Variants in BCAR3 observed in about 807,000 individuals in gnomAD.
The protein encoded by BCAR3 is breast cancer anti-estrogen resistance protein 3.
Under a neutral mutation model 80.1 loss-of-function variants are expected in BCAR3, and 37 were observed. That is an observed-to-expected ratio of 0.46 (90% CI 0.36 to 0.61). The LOEUF is 0.61. BCAR3 is among the 20% of genes least tolerant of loss of function. BCAR3 has a pLI of 0.00. For missense variants in BCAR3, 978 were observed against 1,068.2 expected (o/e 0.92, Z 1.18); for synonymous variants, 389 against 418.9 (o/e 0.93, Z 0.87).
chr1:93,728,976 C>T (rs1228606048), intron 2 of BCAR3, among the ~76,000 whole-genome samples: 2 of 152,192 alleles, frequency 1.3e-5, no homozygotes, highest in Admixed American at 6.5e-5. Context: ...CTACCCAGCA[C>T]TTCCCTTCCC....
intron 9 of BCAR3, among the ~76,000 whole-genome samples, chr1:93,570,643 G>A (rs1673174734): frequency 6.6e-6 from 1 of 152,214 alleles, no homozygotes; most frequent in South Asian, 2.1e-4. Flanking sequence ...TTTTTAATAG[G>A]ACAGTCTGTT....
At chr1:93,840,965 C>T (rs975006349) in intron 2 of BCAR3, among the ~76,000 whole-genome samples, 2 of 152,108 alleles carry the variant, frequency 1.3e-5, no homozygotes, top group African/African-American at 2.4e-5. Context: ...GACGTGCTCC[C>T]CCCACTTTCC....
At chr1:93,686,954 G>A (rs1024853322) in intron 3 of BCAR3, among the ~76,000 whole-genome samples, 1 of 152,188 alleles carries the variant, frequency 6.6e-6, no homozygotes, top group Non-Finnish European at 1.5e-5. Flanking sequence ...ACCCAGCATA[G>A]GTCAGGTTCC....
intron 8 of BCAR3, among the ~76,000 whole-genome samples, chr1:93,573,848 C>T (rs957642347): frequency 2.6e-5 from 4 of 151,804 alleles, no homozygotes; most frequent in African/African-American, 9.7e-5. Flanking sequence ...CAGCTGGTCT[C>T]GAATTCCTGG....
chr1:93,592,286 GT>G lies in BCAR3; in HGVS notation c.464del (p.Tyr155SerfsTer21), dbSNP rs774270005. The part of the protein sequence containing the change: ...SSEDLRSHAW[Y>X]HGRIPRQVSE... ...GTACCTGTCGGGGGATGCGGCCGTG[GT>G]ACCAGGCATGGCTGCGCAGGTCCTC... is the stretch of plus-strand genomic sequence containing the variant. On this transcript the variant is annotated frameshift_variant, in exon 4 of 12. Transcript: ENST00000260502. LOFTEE classifies it high-confidence loss of function. The surrounding 1 kb of genome is among the most constrained non-coding windows in gnomAD (Gnocchi z 4.8). 1.9e-6 allele frequency: 3 copies of G among 1,613,046 alleles called. No individual in the cohort carries two copies. In the African/African-American group the frequency reaches 4.0e-5, roughly 22 times the overall value.
At chr1:93,700,884 G>A (rs1278200642) in intron 3 of BCAR3, among the ~76,000 whole-genome samples, 1 of 152,214 alleles carries the variant, frequency 6.6e-6, no homozygotes, top group Non-Finnish European at 1.5e-5. Context: ...CGGAGGGTAG[G>A]CTCTGCCCAC....
rs768953701 is a variant in BCAR3 at position 93,582,381 on chromosome 1, T to A, written c.1606A>T (p.Met536Leu). 7.4e-6 allele frequency: 12 copies of A among 1,614,050 alleles called. No individual in the cohort carries two copies. In the African/African-American group the frequency reaches 1.2e-4, roughly 16 times the overall value. ...AACAGTTCTTTTGCACGTTTCAACATTGCTGTTTCCAGGGGCTTATTCTCA... is the reference window on the plus strand; with the variant it reads ...AACAGTTCTTTTGCACGTTTCAACAATGCTGTTTCCAGGGGCTTATTCTCA... ...PPENKPLETAMLKRAKELFTN... is the reference protein window; with the variant it reads ...PPENKPLETALLKRAKELFTN... The change falls in exon 7 of 12, where the codon ATG (methionine) becomes TTG (leucine). Residue 536 changes from methionine to leucine, a missense_variant. Coordinates refer to ENST00000260502, the MANE Select transcript of BCAR3 (RefSeq NM_003567.4).
In BCAR3 at chr1:93,582,408, G is replaced by A. The variant is rs776565886; in HGVS notation, c.1579C>T (p.Pro527Ser). 7 of 1,614,172 alleles carry A rather than the reference G, an allele frequency of 4.3e-6. No individual in the cohort carries two copies. Among genetic ancestry groups the A allele is most frequent in the Non-Finnish European group, 5.9e-6 (7 of 1,180,032 alleles). The change falls in exon 7 of 12, where the codon CCT becomes TCT. Residue 527 changes from proline to serine, a missense_variant. By Grantham distance (74) the Pro-to-Ser change is moderately conservative (BLOSUM62 -1). Coordinates refer to ENST00000260502, the MANE Select transcript of BCAR3 (RefSeq NM_003567.4). ...PNEFESKFLP[P>S]ENKPLETAML... ...GCTGTTTCCAGGGGCTTATTCTCAGGGGGAAGGAACTTTGACTCAAACTCG... is the reference window on the plus strand; with the variant it reads ...GCTGTTTCCAGGGGCTTATTCTCAGAGGGAAGGAACTTTGACTCAAACTCG...
chr1:93,576,906 G>C (rs149623897), intron 7 of BCAR3, among the ~76,000 whole-genome samples: 1 of 152,338 alleles, frequency 6.6e-6, no homozygotes, highest in East Asian at 1.9e-4. Context: ...TCTAATCCCA[G>C]TGCTTTGGGA....
chr1:93,582,190 G>T lies in BCAR3; in HGVS notation c.1686+111C>A, dbSNP rs542944690. ...CATTTAATGGGTGAGGCAGAGTGAG[G>T]CCAGATGGATCCCCTCCTTCCAAAC... is the stretch of plus-strand genomic sequence containing the variant. On this transcript the variant is annotated intron_variant, in intron 7 of 11. Transcript: ENST00000260502. The T allele has an allele frequency of 7.0e-4, 954 of 1,368,228 alleles. 17 individuals are homozygous for T. In the South Asian group the frequency reaches 0.013, roughly 18 times the overall value. The allele number at this position is 1,368,228 out of a possible 1,614,324, so 84.8% of individuals were successfully genotyped here. A position where few individuals can be genotyped will look rare whatever the true frequency, so the allele number is the denominator to read the frequency against.
chr1:93,583,690 T>TA (rs1673821612), intron 6 of BCAR3, among the ~76,000 whole-genome samples: 1 of 152,132 alleles, frequency 6.6e-6, no homozygotes, highest in Non-Finnish European at 1.5e-5. Context: ...TACCAGTTTT[T>TA]AAATGGGCTT....
rs529466233 is a variant in BCAR3, at chr1:93,678,215, A to G, written c.-11-3274T>C. Among the ~76,000 whole-genome samples, 170 of 152,332 alleles carry G rather than the reference A, an allele frequency of 1.1e-3. 1 individual carries two copies. Among genetic ancestry groups the G allele is most frequent in the South Asian group, 1.9e-3 (9 of 4,830 alleles). Reference sequence around the variant, plus strand: ...TGACCAATGTGAAGCCAGGATTGAGAACCACTGGATTAGTGAGTCTTTTTG... The same window carrying G: ...TGACCAATGTGAAGCCAGGATTGAGGACCACTGGATTAGTGAGTCTTTTTG... On this transcript the variant is annotated intron_variant, in intron 1 of 11. Transcript: ENST00000260502.
chr1:93,807,250 G>A (rs1335292942), intron 2 of BCAR3, among the ~76,000 whole-genome samples: 1 of 152,078 alleles, frequency 6.6e-6, no homozygotes, highest in East Asian at 1.9e-4. Context: ...AGATGAATAG[G>A]AGAAAAAGAC....
At chr1:93,658,146 G>A (rs1343559233) in intron 2 of BCAR3, among the ~76,000 whole-genome samples, 7 of 151,830 alleles carry the variant, frequency 4.6e-5, no homozygotes, top group Non-Finnish European at 1.5e-5. Context: ...TCACCATGTT[G>A]GCCAGGATGG....
intron 2 of BCAR3, among the ~76,000 whole-genome samples, chr1:93,780,594 G>A (rs1652731870): frequency 6.6e-6 from 1 of 151,978 alleles, no homozygotes. Flanking sequence ...ACAAGATGGA[G>A]GAGCCAGGAT....
intron 2 of BCAR3, among the ~76,000 whole-genome samples, chr1:93,766,869 A>C (rs561520698): frequency 6.6e-6 from 1 of 152,340 alleles, no homozygotes; most frequent in South Asian, 2.1e-4. Context: ...GAAACAAAGA[A>C]ACTTAGACAA....
rs796584340 is a variant in BCAR3 at position 93,618,924 on chromosome 1, G to GT, written c.357+23379dup. On this transcript the variant is annotated intron_variant, in intron 3 of 11. Coordinates refer to ENST00000260502, the MANE Select transcript of BCAR3 (RefSeq NM_003567.4). Reference sequence around the variant, plus strand: ...GGCATTTACCAGCCTGAAGCCGTGGGTTTTTTTTTTTTTTGTTTTTTTTTT... The same window carrying GT: ...GGCATTTACCAGCCTGAAGCCGTGGGTTTTTTTTTTTTTTTGTTTTTTTTTT... 5.4e-3 allele frequency among the ~76,000 whole-genome samples: 736 copies of GT among 135,730 alleles called. 1 individual carries two copies. The highest frequency in any genetic ancestry group is 0.013 in the South Asian group (55 of 4,160). 89.0% of individuals were successfully genotyped at this position (135,730 alleles called of 152,430 possible).
chr1:93,564,988 A>G (rs2101795631), intron 11 of BCAR3, among the ~76,000 whole-genome samples: 1 of 152,288 alleles, frequency 6.6e-6, no homozygotes, highest in South Asian at 2.1e-4. Flanking sequence ...CATTAAATAT[A>G]CCTGCCATCT....
At chr1:93,831,347 A>C (rs1654555443) in intron 2 of BCAR3, among the ~76,000 whole-genome samples, 2 of 151,836 alleles carry the variant, frequency 1.3e-5, no homozygotes, top group Non-Finnish European at 2.9e-5. Flanking sequence ...AGAACTTAAA[A>C]CCTCTTCAAC....
Sources: gnomAD v4.1 joint callset for allele counts (sites outside exome capture counted in the v4.1 genomes callset) on GRCh38, gnomAD v4.1.1 for gene constraint, Gnocchi (gnomAD v3.1) non-coding constraint, MANE v1.5 for transcripts, NCBI Gene and HGNC (gene_info 2026-07-23, HGNC 2026-07-21) for gene names.